The following EDIL3 variants were observed in gnomAD, a reference collection of about 807,000 sequenced individuals.
The protein encoded by EDIL3 is EGF like and discoidin domains 3, also known as EGF-like repeat and discoidin I-like domain-containing protein 3.
A neutral mutation model predicts 67.4 loss-of-function variants in EDIL3; 37 were observed. The ratio of observed to expected loss-of-function variants is 0.55; its 90% CI spans 0.42 to 0.72. EDIL3 has a LOEUF of 0.72. Among genes scored for constraint, EDIL3 ranks in the 30% least tolerant of loss-of-function variants. The probability of loss-of-function intolerance (pLI) is 0.00; values close to 1 mark genes in which losing one functional copy is unlikely to be tolerated. For missense variants in EDIL3, 527 were observed against 586.3 expected (o/e 0.90, Z 1.04); for synonymous variants, 195 against 196.3 (o/e 0.99, Z 0.05).
At chr5:84,138,440 CT>C (rs1015804439) in intron 4 of EDIL3, among the ~76,000 whole-genome samples, 1 of 152,262 alleles carries the variant, frequency 6.6e-6, no homozygotes, top group African/African-American at 2.4e-5. Context: ...TAAATGTTTC[CT>C]GACCAACTTT....
chr5:83,995,667 T>A (rs1196971390), intron 9 of EDIL3, among the ~76,000 whole-genome samples: 2 of 152,194 alleles, frequency 1.3e-5, no homozygotes, highest in Non-Finnish European at 2.9e-5. Flanking sequence ...GGTCAGTGAA[T>A]TTGTATGCTA....
At chr5:83,956,128 T>C (rs567046321) in intron 10 of EDIL3, among the ~76,000 whole-genome samples, 54 of 151,862 alleles carry the variant, frequency 3.6e-4, no homozygotes, top group Non-Finnish European at 6.0e-4. Context: ...ATTCTACAGT[T>C]GCACTTACAT....
At chr5:84,333,044 C>A (rs1746908172) in intron 1 of EDIL3, among the ~76,000 whole-genome samples, 1 of 152,124 alleles carries the variant, frequency 6.6e-6, no homozygotes, top group Non-Finnish European at 1.5e-5. Flanking sequence ...GCTAATAACA[C>A]AGCTAGATAG....
intron 3 of EDIL3, 144 bp from the exon 4 acceptor site, chr5:84,180,665 G>A: frequency 3.2e-6 from 3 of 931,692 alleles, no homozygotes; most frequent in Non-Finnish European, 3.0e-6. Context: ...ATGAGCTCTG[G>A]AGACTAATGG....
At chr5:84,118,771 T>C (rs1747719463) in intron 5 of EDIL3, among the ~76,000 whole-genome samples, 1 of 152,182 alleles carries the variant, frequency 6.6e-6, no homozygotes, top group African/African-American at 2.4e-5. Context: ...TCCAGTGGTG[T>C]ACAAATTTTG....
intron 4 of EDIL3, among the ~76,000 whole-genome samples, chr5:84,164,832 GAAGT>G: frequency 6.6e-6 from 1 of 152,070 alleles, no homozygotes; most frequent in East Asian, 1.9e-4. Flanking sequence ...AAAGAATGAA[GAAGT>G]AAGTGTCTTA....
At chr5:83,963,104 T>C (rs1580254807) in intron 10 of EDIL3, 101 bp downstream of exon 10, 1 of 1,351,350 alleles carries the variant, frequency 7.4e-7, no homozygotes, top group Non-Finnish European at 9.9e-7. Flanking sequence ...TATATATGGA[T>C]ACTATTTTCA....
chr5:84,359,405 G>A (rs563953879), intron 1 of EDIL3, among the ~76,000 whole-genome samples: 1 of 152,186 alleles, frequency 6.6e-6, no homozygotes, highest in Admixed American at 6.5e-5. Flanking sequence ...TGTAAAATAT[G>A]CAATTTTATT....
chr5:84,114,716 C>T (rs1747633847), intron 5 of EDIL3, among the ~76,000 whole-genome samples: 1 of 152,170 alleles, frequency 6.6e-6, no homozygotes, highest in African/African-American at 2.4e-5. Context: ...AAAGAAAAGG[C>T]TGTTTCTTCC....
At chr5:84,053,985 G>A (rs1305163205) in intron 9 of EDIL3, among the ~76,000 whole-genome samples, 1 of 152,056 alleles carries the variant, frequency 6.6e-6, no homozygotes, top group East Asian at 1.9e-4. Context: ...TGATACCAAA[G>A]CCTGGCAGAG....
intron 1 of EDIL3, among the ~76,000 whole-genome samples, chr5:84,265,734 G>A (rs1431538185): frequency 6.6e-6 from 1 of 152,158 alleles, no homozygotes; most frequent in Non-Finnish European, 1.5e-5. Flanking sequence ...TGATAAACAT[G>A]AGAACAAATG....
intron 9 of EDIL3, among the ~76,000 whole-genome samples, chr5:83,987,671 C>T (rs1745077690): frequency 6.6e-6 from 1 of 152,104 alleles, no homozygotes; most frequent in African/African-American, 2.4e-5. Flanking sequence ...GTCACTGCAA[C>T]TTTGCCTCAT....
chr5:84,268,614 T>G (rs541080139), intron 1 of EDIL3, among the ~76,000 whole-genome samples: 1 of 152,238 alleles, frequency 6.6e-6, no homozygotes, highest in African/African-American at 2.4e-5. Context: ...TTCCCTTAGG[T>G]TTTTAGATAA....
Position 83,943,408 on chromosome 5 carries a change from G to A in EDIL3, c.*11C>T, listed in dbSNP as rs1191036221. The A allele has an allele frequency of 1.2e-6, 2 of 1,611,504 alleles. No homozygotes were observed. The highest frequency in any genetic ancestry group is 3.3e-5 in the Admixed American group (2 of 59,812). The stretch of plus-strand genomic sequence containing the variant: ...GAAATAGGGAAGAGGGTTGTGAAAT[G>A]TAGCCTCCCCTCATTCCTCCTCTGT... On this transcript the variant is annotated 3_prime_UTR_variant, in exon 11 of 11. Transcript: ENST00000296591.
intron 9 of EDIL3, among the ~76,000 whole-genome samples, chr5:84,022,044 A>G (rs1277450074): frequency 1.3e-5 from 2 of 151,922 alleles, no homozygotes; most frequent in African/African-American, 4.8e-5. Flanking sequence ...CTTCCTAACT[A>G]ATTCTATGAG....
chr5:84,067,436 A>G (rs1319954362), intron 6 of EDIL3, among the ~76,000 whole-genome samples: 2 of 152,212 alleles, frequency 1.3e-5, no homozygotes, highest in East Asian at 1.9e-4. Context: ...AAAATTTCAC[A>G]TATTGTAAAC....
intron 4 of EDIL3, among the ~76,000 whole-genome samples, chr5:84,176,695 T>G (rs1748921475): frequency 6.6e-6 from 1 of 151,912 alleles, no homozygotes; most frequent in Admixed American, 6.6e-5. Flanking sequence ...CTGTAGACAA[T>G]TTTGGTGCTC....
intron 1 of EDIL3, among the ~76,000 whole-genome samples, chr5:84,307,756 C>T (rs1405944049): frequency 1.3e-5 from 2 of 151,888 alleles, no homozygotes; most frequent in Non-Finnish European, 2.9e-5. Context: ...ATAAAAAATA[C>T]AGGAGGAGAA....
chr5:84,219,338 A>C (rs575905145), intron 3 of EDIL3, among the ~76,000 whole-genome samples: 1 of 152,372 alleles, frequency 6.6e-6, no homozygotes, highest in South Asian at 2.1e-4. Context: ...ATTAAGAAGG[A>C]AATTTAAAAA....
Sources: gnomAD v4.1 joint callset for allele counts (sites outside exome capture counted in the v4.1 genomes callset) on GRCh38, gnomAD v4.1.1 for gene constraint, MANE v1.5 for transcripts, NCBI Gene and HGNC (gene_info 2026-07-23, HGNC 2026-07-21) for gene names.